Variants in PFKFB3 observed in about 807,000 individuals in gnomAD.
PFKFB3 encodes 6-phosphofructo-2-kinase/fructose-2,6-biphosphatase 3, also known as 6-phosphofructo-2-kinase/fructose-2,6-bisphosphatase 3.
A neutral mutation model predicts 68.0 loss-of-function variants in PFKFB3; 33 were observed. The ratio of observed to expected loss-of-function variants is 0.49; its 90% CI spans 0.37 to 0.65. The LOEUF (loss-of-function observed/expected upper bound fraction) is 0.65. Among genes scored for constraint, PFKFB3 ranks in the 30% least tolerant of loss-of-function variants. PFKFB3 has a pLI of 0.00. For missense variants in PFKFB3, 586 were observed against 712.2 expected, an observed-to-expected ratio of 0.82 and a Z score of 2.02; for synonymous variants, 315 against 288.2, an observed-to-expected ratio of 1.09 and a Z score of -0.94.
intron 1 of PFKFB3, among the ~76,000 whole-genome samples, chr10:6,152,495 C>G (rs1444709615): frequency 6.6e-6 from 1 of 152,140 alleles, no homozygotes; most frequent in Non-Finnish European, 1.5e-5. Context: ...AGGGCTAAAT[C>G]TCTCTGGGAC....
intron 1 of PFKFB3, among the ~76,000 whole-genome samples, chr10:6,208,679 G>A (rs562927482): frequency 6.6e-6 from 1 of 152,254 alleles, no homozygotes; most frequent in South Asian, 2.1e-4. Flanking sequence ...GATACAGGCT[G>A]TGCGGGCTGC....
chr10:6,324,820 G>GAAA, the PFKFB3 span, among the ~76,000 whole-genome samples: 1 of 143,196 alleles, frequency 7.0e-6, no homozygotes. Flanking sequence ...CAATTTAAAG[G>GAAA]AAAAAAAAAA....
the PFKFB3 span, chr10:6,277,583 G>A: frequency 5.3e-6 from 1 of 187,942 alleles, no homozygotes; most frequent in South Asian, 6.9e-5. Flanking sequence ...CAGAGTTCTT[G>A]CAAGATCTGT....
intron 12 of PFKFB3, 32 bp downstream of exon 12, chr10:6,224,052 C>G: frequency 6.2e-7 from 1 of 1,613,648 alleles, no homozygotes; most frequent in Non-Finnish European, 8.5e-7. Flanking sequence ...GCCCTGTCCC[C>G]CTGAAGGTGG....
chr10:6,216,037 C>A, intron 3 of PFKFB3, 88 bp from the exon 4 acceptor site: 2 of 1,156,608 alleles, frequency 1.7e-6, no homozygotes, highest in South Asian at 1.2e-5. Context: ...ACCAGTTACT[C>A]TGCTTGTCGG....
the PFKFB3 span, among the ~76,000 whole-genome samples, chr10:6,307,568 TCCTC>T: frequency 1.7e-5 from 2 of 118,900 alleles, no homozygotes; most frequent in Non-Finnish European, 3.6e-5. Context: ...CTTCCTTCCT[TCCTC>T]CTTCTCTCCC....
intron 13 of PFKFB3, among the ~76,000 whole-genome samples, chr10:6,225,521 G>C (rs1845280615): frequency 1.3e-5 from 2 of 152,262 alleles, no homozygotes; most frequent in African/African-American, 2.4e-5. Flanking sequence ...CTTCCCTGCA[G>C]GGAATGGGGG....
chr10:6,274,155 G>A, the PFKFB3 span, among the ~76,000 whole-genome samples: 1 of 151,678 alleles, frequency 6.6e-6, no homozygotes, highest in South Asian at 2.1e-4. Context: ...GGCTATGATT[G>A]CAGCACTGTA....
At chr10:6,224,519 TC>T (rs1213162270) in intron 13 of PFKFB3, 3 of 516,744 alleles carry the variant, frequency 5.8e-6, no homozygotes, top group Middle Eastern at 1.1e-3. Context: ...CTCAGTCTGT[TC>T]CCCAGGCTGG....
the PFKFB3 span, among the ~76,000 whole-genome samples, chr10:6,267,468 T>G: frequency 6.6e-6 from 1 of 152,158 alleles, no homozygotes; most frequent in South Asian, 2.1e-4. Flanking sequence ...TAGAGTTTCT[T>G]AGAACGTCAT....
At chr10:6,184,213 C>T (rs1036375389) in intron 1 of PFKFB3, among the ~76,000 whole-genome samples, 1 of 150,912 alleles carries the variant, frequency 6.6e-6, no homozygotes, top group African/African-American at 2.4e-5. Flanking sequence ...CCACCACGCC[C>T]GGTTAATTTT....
intron 2 of PFKFB3, 56 bp downstream of exon 2, chr10:6,213,804 C>T (rs1844389774): frequency 2.5e-6 from 4 of 1,583,068 alleles, no homozygotes; most frequent in Non-Finnish European, 3.4e-6. Context: ...GACCTTCCAT[C>T]TCAGTTGCTG....
chr10:6,185,680 A>C (rs1588440045), intron 1 of PFKFB3, among the ~76,000 whole-genome samples: 1 of 116,792 alleles, frequency 8.6e-6, no homozygotes, highest in Non-Finnish European at 1.7e-5. Context: ...CACTTTTGTC[A>C]CCAAGGCTGG....
intron 1 of PFKFB3, 85 bp downstream of exon 1, chr10:6,203,421 C>T: frequency 1.0e-6 from 1 of 978,320 alleles, no homozygotes; most frequent in Non-Finnish European, 1.4e-6. Flanking sequence ...GCCGACGCCC[C>T]TCTGCGGGGG....
At chr10:6,225,249 G>A (rs1418917581) in intron 13 of PFKFB3, 1 of 455,924 alleles carries the variant, frequency 2.2e-6, no homozygotes, top group East Asian at 6.9e-5. Context: ...CCCGAAACAG[G>A]TGACTGTCTA....
chr10:6,158,157 C>T (rs534090650), intron 1 of PFKFB3, among the ~76,000 whole-genome samples: 11 of 151,442 alleles, frequency 7.3e-5, no homozygotes, highest in East Asian at 3.9e-4. Context: ...GGCGTGGTGG[C>T]GGGCGCCTGT....
intron 1 of PFKFB3, among the ~76,000 whole-genome samples, chr10:6,178,699 GT>G (rs1203480450): frequency 1.3e-5 from 2 of 152,224 alleles, no homozygotes; most frequent in Non-Finnish European, 2.9e-5. Flanking sequence ...TCGGCCTCGA[GT>G]TGATCTGAAA....
At chr10:6,216,102 G>C (rs544663576) in intron 3 of PFKFB3, 23 bp from the exon 4 acceptor site, 3 of 1,610,328 alleles carry the variant, frequency 1.9e-6, no homozygotes, top group Non-Finnish European at 1.7e-6. Flanking sequence ...GCTGACATTC[G>C]GGCAATGTCT....
At chr10:6,318,659 G>T in the PFKFB3 span, among the ~76,000 whole-genome samples, 1 of 152,158 alleles carries the variant, frequency 6.6e-6, no homozygotes, top group African/African-American at 2.4e-5. Flanking sequence ...GATGTTATTT[G>T]CTCCACTGTG....
Sources: allele counts gnomAD v4.1 joint callset (sites outside exome capture counted in the v4.1 genomes callset), GRCh38; gene constraint gnomAD v4.1.1; transcripts MANE v1.5; gene names NCBI Gene and HGNC (gene_info 2026-07-23, HGNC 2026-07-21).